The following TMEM177 variants were observed in gnomAD, a reference collection of about 807,000 sequenced individuals.
TMEM177 encodes the protein transmembrane protein 177.
A neutral mutation model predicts 14.2 loss-of-function variants in TMEM177; 4 were observed. That is an observed-to-expected ratio of 0.28 (90% CI 0.14 to 0.64). The LOEUF (loss-of-function observed/expected upper bound fraction) is 0.64, where lower values mean the gene tolerates loss of function less well. Among genes scored for constraint, TMEM177 ranks in the 30% least tolerant of loss-of-function variants. The pLI, the probability that TMEM177 is intolerant of heterozygous loss-of-function variation, is 0.82. For synonymous variants in TMEM177, 179 were observed against 174.5 expected (o/e 1.03, Z -0.20); for missense variants, 344 against 405.2 (o/e 0.85, Z 1.30).
At chr2:119,694,887 G>A in the TMEM177 span, among the ~76,000 whole-genome samples, 1 of 152,166 alleles carries the variant, frequency 6.6e-6, no homozygotes, top group Non-Finnish European at 1.5e-5. Context: ...CCACACTTAG[G>A]AGCCAAACCA....
At chr2:119,720,189 C>T in the TMEM177 span, among the ~76,000 whole-genome samples, 1 of 152,014 alleles carries the variant, frequency 6.6e-6, no homozygotes, top group African/African-American at 2.4e-5. Flanking sequence ...CTAACAGTGC[C>T]ATGCTGAGTG....
the TMEM177 span, among the ~76,000 whole-genome samples, chr2:119,719,834 C>G: frequency 4.6e-5 from 7 of 152,160 alleles, no homozygotes; most frequent in Non-Finnish European, 1.0e-4. Context: ...CACTCTGTCA[C>G]CCAGGCTGGT....
chr2:119,693,649 G>C, the TMEM177 span, among the ~76,000 whole-genome samples: 2 of 152,122 alleles, frequency 1.3e-5, no homozygotes, highest in Non-Finnish European at 2.9e-5. Flanking sequence ...CACTGAGGCT[G>C]ACATTCTCTA....
chr2:119,720,332 T>C, the TMEM177 span, among the ~76,000 whole-genome samples: 1 of 151,988 alleles, frequency 6.6e-6, no homozygotes, highest in Non-Finnish European at 1.5e-5. Flanking sequence ...TGGAGTACAA[T>C]GGCGCAATCT....
the TMEM177 span, among the ~76,000 whole-genome samples, chr2:119,693,035 G>A: frequency 1.3e-5 from 2 of 151,514 alleles, no homozygotes; most frequent in East Asian, 3.9e-4. Flanking sequence ...GGAAAGCAGT[G>A]GCTCAGAGAG....
the TMEM177 span, among the ~76,000 whole-genome samples, chr2:119,713,437 T>G: frequency 1.3e-5 from 2 of 152,168 alleles, no homozygotes; most frequent in Non-Finnish European, 2.9e-5. Context: ...AAAGGTGACT[T>G]GTCATATATT....
the TMEM177 span, among the ~76,000 whole-genome samples, chr2:119,713,386 G>A: frequency 6.6e-6 from 1 of 152,132 alleles, no homozygotes; most frequent in Non-Finnish European, 1.5e-5. Flanking sequence ...GTTTTCATTG[G>A]TGGGGAGAGC....
the TMEM177 span, among the ~76,000 whole-genome samples, chr2:119,703,955 T>C: frequency 1.3e-5 from 2 of 152,184 alleles, no homozygotes; most frequent in Non-Finnish European, 2.9e-5. Context: ...TAGCCCTTCA[T>C]CTGAAGCATC....
chr2:119,713,267 C>T, the TMEM177 span, among the ~76,000 whole-genome samples: 4 of 152,122 alleles, frequency 2.6e-5, no homozygotes, highest in Admixed American at 2.0e-4. Flanking sequence ...CAGGTTTCTC[C>T]GTGTTGGTCA....
chr2:119,682,448 CTA>C (rs1322940259), downstream of TMEM177, among the ~76,000 whole-genome samples: 1 of 152,104 alleles, frequency 6.6e-6, no homozygotes, highest in African/African-American at 2.4e-5. Flanking sequence ...GGTTAAAAGA[CTA>C]GAGAGCCCAA....
Position 119,681,945 on chromosome 2 carries a change from T to G in TMEM177, c.*156T>G, listed in dbSNP as rs1224118868. The G allele has an allele frequency of 1.5e-6, 1 of 663,040 alleles. No homozygotes were observed. 41.1% of individuals were successfully genotyped at this position (663,040 alleles called of 1,614,324 possible). On this transcript the variant is annotated 3_prime_UTR_variant, in exon 2 of 2. Coordinates refer to ENST00000272521, the MANE Select transcript of TMEM177 (RefSeq NM_030577.3). ...TAGATTGTACTATAACCACTACTTA[T>G]GAACTCAGGGACTATGAGGGACTAT...
intron 1 of TMEM177, among the ~76,000 whole-genome samples, 160 bp from the exon 2 acceptor site, chr2:119,680,672 G>C (rs1165222292): frequency 6.6e-6 from 1 of 152,146 alleles, no homozygotes; most frequent in African/African-American, 2.4e-5. Flanking sequence ...GCACAGAGAC[G>C]GAGCTGGGAT....
downstream of TMEM177, among the ~76,000 whole-genome samples, chr2:119,682,662 T>G (rs1378115732): frequency 6.6e-6 from 1 of 151,994 alleles, no homozygotes; most frequent in Non-Finnish European, 1.5e-5. Context: ...TGGCAAGAGC[T>G]TCACTCAAAT....
downstream of TMEM177, among the ~76,000 whole-genome samples, chr2:119,683,480 G>A (rs370156071): frequency 2.6e-5 from 4 of 152,140 alleles, no homozygotes; most frequent in Admixed American, 6.5e-5. Flanking sequence ...TGAGCAGTAC[G>A]GTCTGGGGCC....
chr2:119,680,910 C>T lies in TMEM177; in HGVS notation c.57C>T (p.Leu19=). 6.2e-7 allele frequency: 1 copy of T among 1,614,260 alleles called. No homozygotes were observed. Among genetic ancestry groups the T allele is most frequent in the Non-Finnish European group, 8.5e-7 (1 of 1,180,048 alleles). ...AAFVQRHRTG[L]LVGSCAGLFG... is the part of the protein sequence containing the mutation. ...TTGTGCAGAGACACAGGACAGGCCT[C>T]TTGGTGGGTTCCTGTGCAGGCCTGT... The change falls in exon 2 of 2, where the codon CTC becomes CTT. Residue 19 remains leucine (L), a synonymous_variant. Coordinates refer to ENST00000272521, the MANE Select transcript of TMEM177 (RefSeq NM_030577.3).
the TMEM177 span, among the ~76,000 whole-genome samples, chr2:119,704,084 C>T: frequency 1.3e-5 from 2 of 152,192 alleles, no homozygotes; most frequent in African/African-American, 4.8e-5. Context: ...TTTCACTAAA[C>T]CCTCACAGCA....
At chr2:119,709,666 T>G in the TMEM177 span, among the ~76,000 whole-genome samples, 1 of 151,848 alleles carries the variant, frequency 6.6e-6, no homozygotes, top group Non-Finnish European at 1.5e-5. Flanking sequence ...TCTACTAAAA[T>G]ACAAAAAAAT....
chr2:119,693,120 G>A, the TMEM177 span, among the ~76,000 whole-genome samples: 1 of 152,172 alleles, frequency 6.6e-6, no homozygotes, highest in Non-Finnish European at 1.5e-5. Flanking sequence ...TGAAGCCTGT[G>A]CTGTTTCCCT....
At chr2:119,707,222 C>T in the TMEM177 span, among the ~76,000 whole-genome samples, 1 of 151,984 alleles carries the variant, frequency 6.6e-6, no homozygotes, top group Non-Finnish European at 1.5e-5. Context: ...AAGGATCACC[C>T]ACCCCGAGGA....
Sources: allele counts gnomAD v4.1 joint callset (sites outside exome capture counted in the v4.1 genomes callset), GRCh38; gene constraint gnomAD v4.1.1; transcripts MANE v1.5; gene names NCBI Gene and HGNC (gene_info 2026-07-23, HGNC 2026-07-21).